The following PCGF5 variants were observed in gnomAD, a reference collection of about 807,000 sequenced individuals.
The protein encoded by PCGF5 is polycomb group ring finger 5.
PCGF5 carries 9 observed loss-of-function variants against 44.3 expected under a neutral mutation model. The observed-to-expected ratio is 0.20, with a 90% CI of 0.12 to 0.35. PCGF5 has a LOEUF of 0.35. Ranked by LOEUF, PCGF5 falls within the 10% of genes least tolerant of loss-of-function variation. The pLI is 1.00. For missense variants in PCGF5, 146 were observed against 305.3 expected (o/e 0.48, Z 3.89); for synonymous variants, 95 against 102.5 (o/e 0.93, Z 0.44).
chr10:91,212,651 C>T (rs73310453), intron 1 of PCGF5, among the ~76,000 whole-genome samples: 1 of 152,144 alleles, frequency 6.6e-6, no homozygotes. Context: ...ATTGTACAGC[C>T]TAACTTCTAT....
In PCGF5 at chr10:91,281,701, A is replaced by G. The variant is rs1564663054; in HGVS notation, c.*3385A>G. 1 of 152,740 alleles carries G rather than the reference A, an allele frequency of 6.5e-6. No homozygotes were observed. Among genetic ancestry groups the G allele is most frequent in the East Asian group, 1.9e-4 (1 of 5,194 alleles). The allele number at this position is 152,740 out of a possible 1,614,324, so 9.5% of individuals were successfully genotyped here. A position where few individuals can be genotyped will look rare whatever the true frequency, so the allele number is the denominator to read the frequency against. On this transcript the variant is annotated 3_prime_UTR_variant, in exon 10 of 10. Transcript: ENST00000336126. ...CAATTTAATTTTATATAGTTAGGCA[A>G]TAACCTTGATTAATTGCTAAAATAT...
At chr10:91,202,570 A>G (rs1438213689) in intron 1 of PCGF5, among the ~76,000 whole-genome samples, 1 of 152,216 alleles carries the variant, frequency 6.6e-6, no homozygotes, top group Non-Finnish European at 1.5e-5. Context: ...ACTGTTAATT[A>G]TTAAGAGTCT....
chr10:91,197,531 T>C (rs1370457832), intron 1 of PCGF5, among the ~76,000 whole-genome samples: 2 of 152,178 alleles, frequency 1.3e-5, no homozygotes, highest in African/African-American at 4.8e-5. Flanking sequence ...ATTTGTAAGG[T>C]AGCCCTTTTG....
intron 8 of PCGF5, among the ~76,000 whole-genome samples, chr10:91,267,301 T>C (rs1286033617): frequency 6.6e-6 from 1 of 152,216 alleles, no homozygotes; most frequent in East Asian, 1.9e-4. Flanking sequence ...CCTCTCCCGA[T>C]GGCATTCTTA....
At chr10:91,181,026 C>T (rs1037226332) in intron 1 of PCGF5, among the ~76,000 whole-genome samples, 1 of 152,070 alleles carries the variant, frequency 6.6e-6, no homozygotes, top group African/African-American at 2.4e-5. Context: ...TTTTTTTAAG[C>T]AGTGGTTTGT....
chr10:91,235,575 A>T (rs1845136847), intron 2 of PCGF5, among the ~76,000 whole-genome samples: 1 of 151,992 alleles, frequency 6.6e-6, no homozygotes, highest in South Asian at 2.1e-4. Context: ...ATGGTGGCCG[A>T]TATGGTTTGG....
At chr10:91,167,081 G>T (rs1377485470) in intron 1 of PCGF5, among the ~76,000 whole-genome samples, 6 of 152,092 alleles carry the variant, frequency 3.9e-5, no homozygotes, top group Admixed American at 2.6e-4. Flanking sequence ...TTAGTTAAAG[G>T]TAATTCATAT....
chr10:91,180,028 A>T (rs183336236), intron 1 of PCGF5, among the ~76,000 whole-genome samples: 1 of 151,938 alleles, frequency 6.6e-6, no homozygotes, highest in African/African-American at 2.4e-5. Flanking sequence ...TTACTTTTTA[A>T]TAATAGCCAT....
rs1332592862 is a variant in PCGF5 at position 91,279,253 on chromosome 10, C to T, written c.*937C>T. ...CATTGTGGCATGCAGAGGGTTATGA[C>T]GATTTTAAATATTAGGATTTTTAGA... On this transcript the variant is annotated 3_prime_UTR_variant, in exon 10 of 10. Transcript: ENST00000336126. The T allele has an allele frequency of 2.6e-5, 4 of 151,866 alleles. No individual in the cohort carries two copies. The highest frequency in any genetic ancestry group is 6.6e-5 in the Admixed American group (1 of 15,252). The allele number at this position is 151,866 out of a possible 1,614,324, so 9.4% of individuals were successfully genotyped here.
At chr10:91,217,550 G>T (rs1173830197), upstream of PCGF5, among the ~76,000 whole-genome samples, 1 of 152,096 alleles carries the variant, frequency 6.6e-6, no homozygotes, top group Non-Finnish European at 1.5e-5. Flanking sequence ...CATTTGTTAG[G>T]TATACAGATA....
intron 1 of PCGF5, among the ~76,000 whole-genome samples, chr10:91,211,150 C>T (rs1844444334): frequency 6.6e-6 from 1 of 152,188 alleles, no homozygotes. Flanking sequence ...TTAAATTCCT[C>T]ATTAGATTTC....
rs548693663 is a variant in PCGF5 at position 91,199,319 on chromosome 10, G to C, written c.-183-23370G>C. On this transcript the variant is annotated intron_variant, in intron 1 of 9. Coordinates refer to the PCGF5 transcript ENST00000614189. Reference sequence around the variant, plus strand: ...CCTTTGAAGGGTGGGAAGGCAGCAAGGGGGGCAGAAAAGGAGTTGAGCTGT... The same window carrying C: ...CCTTTGAAGGGTGGGAAGGCAGCAACGGGGGCAGAAAAGGAGTTGAGCTGT... 2.6e-5 allele frequency among the ~76,000 whole-genome samples: 4 copies of C among 152,346 alleles called. No homozygotes were observed. The East Asian group carries it at 5.8e-4, about 22-fold the overall frequency.
chr10:91,259,310 G>C (rs1447195684), intron 6 of PCGF5, among the ~76,000 whole-genome samples: 4 of 152,108 alleles, frequency 2.6e-5, no homozygotes, highest in Admixed American at 2.6e-4. Flanking sequence ...GCATGCTGTG[G>C]CCTAACCAGC....
At chr10:91,275,353 G>T (rs1047394480) in intron 9 of PCGF5, among the ~76,000 whole-genome samples, 1 of 151,980 alleles carries the variant, frequency 6.6e-6, no homozygotes. Flanking sequence ...AAATTAAGAG[G>T]TGGGGAAAGA....
At chr10:91,255,452 G>A (rs980161218) in intron 6 of PCGF5, among the ~76,000 whole-genome samples, 1 of 152,040 alleles carries the variant, frequency 6.6e-6, no homozygotes, top group Admixed American at 6.6e-5. Flanking sequence ...TGGTCTGCAC[G>A]AGTAGGAAGT....
In PCGF5 at chr10:91,281,290, A is replaced by G. The variant is rs1846447158; in HGVS notation, c.*2974A>G. 6.6e-6 allele frequency: 1 copy of G among 152,490 alleles called. No individual in the cohort carries two copies. Among genetic ancestry groups the G allele is most frequent in the African/African-American group, 2.4e-5 (1 of 41,466 alleles). The allele number at this position is 152,490 out of a possible 1,614,324, so 9.4% of individuals were successfully genotyped here. A position where few individuals can be genotyped will look rare whatever the true frequency, so the allele number is the denominator to read the frequency against. On this transcript the variant is annotated 3_prime_UTR_variant, in exon 10 of 10. Transcript: ENST00000336126. Reference sequence around the variant, plus strand: ...TTATTTCTTTATACATTAAACATCTATCCCATAGTAATGTGCCACATTTTA... The same window carrying G: ...TTATTTCTTTATACATTAAACATCTGTCCCATAGTAATGTGCCACATTTTA...
chr10:91,213,951 T>C (rs1844497508), intron 1 of PCGF5, among the ~76,000 whole-genome samples: 1 of 152,176 alleles, frequency 6.6e-6, no homozygotes, highest in African/African-American at 2.4e-5. Context: ...AAAGGTCATA[T>C]TCTTTGAAGG....
intron 7 of PCGF5, among the ~76,000 whole-genome samples, chr10:91,262,148 GGCGTGGTGGCTTAT>G (rs1845929359): frequency 6.6e-6 from 1 of 152,182 alleles, no homozygotes; most frequent in Non-Finnish European, 1.5e-5. Context: ...GACCAGGCCA[GGCGTGGTGGCTTAT>G]GCCTGTAATC....
intron 1 of PCGF5, among the ~76,000 whole-genome samples, chr10:91,197,718 T>A (rs1485657178): frequency 6.6e-6 from 1 of 152,130 alleles, no homozygotes; most frequent in African/African-American, 2.4e-5. Context: ...GACATCATCC[T>A]CTCCCACCAT....
Sources: allele counts gnomAD v4.1 joint callset (sites outside exome capture counted in the v4.1 genomes callset), GRCh38; gene constraint gnomAD v4.1.1; transcripts MANE v1.5; gene names NCBI Gene and HGNC (gene_info 2026-07-23, HGNC 2026-07-21).